The following ANKIB1 variants were observed in gnomAD, a reference collection of about 807,000 sequenced individuals.
The protein encoded by ANKIB1 is ankyrin repeat and IBR domain-containing protein 1.
A neutral mutation model predicts 122.1 loss-of-function variants in ANKIB1; 43 were observed. That is an observed-to-expected ratio of 0.35 (90% confidence interval 0.28 to 0.45). The LOEUF is 0.45. Ranked by LOEUF, ANKIB1 falls within the 20% of genes least tolerant of loss-of-function variation. The pLI is 1.00. For missense variants in ANKIB1, 992 were observed against 1,329.5 expected, an observed-to-expected ratio of 0.75 and a Z score of 3.95; for synonymous variants, 390 against 442.0, an observed-to-expected ratio of 0.88 and a Z score of 1.48.
At chr7:92,391,899 T>G (rs1043122200) in intron 16 of ANKIB1, among the ~76,000 whole-genome samples, 1 of 152,150 alleles carries the variant, frequency 6.6e-6, no homozygotes, top group Non-Finnish European at 1.5e-5. Flanking sequence ...ACTATAAGCA[T>G]TAAACATTCC....
At chr7:92,299,134 A>T (rs896971902) in intron 2 of ANKIB1, among the ~76,000 whole-genome samples, 4 of 152,228 alleles carry the variant, frequency 2.6e-5, no homozygotes, top group Non-Finnish European at 5.9e-5. Context: ...GTTGCTAATG[A>T]TAAAATTTGA....
intron 1 of ANKIB1, among the ~76,000 whole-genome samples, chr7:92,248,641 A>G (rs2131867735): frequency 6.6e-6 from 1 of 152,318 alleles, no homozygotes; most frequent in South Asian, 2.1e-4. Flanking sequence ...ATTAAGTTTT[A>G]AAATATTTCC....
In ANKIB1 at chr7:92,324,911, C is replaced by T. The variant is rs1347280881; in HGVS notation, c.670-2872C>T. On this transcript the variant is annotated intron_variant, in intron 4 of 19. Transcript: ENST00000265742. ...GGAGGAACAAAGATAAGTGACTACACTCTAGGTGTTTACGTTCCAACAGGG... is the reference window on the plus strand; with the variant it reads ...GGAGGAACAAAGATAAGTGACTACATTCTAGGTGTTTACGTTCCAACAGGG... Among the ~76,000 whole-genome samples the T allele has an allele frequency of 2.0e-5, 3 of 152,178 alleles. 1 individual carries two copies. The highest frequency in any genetic ancestry group is 1.3e-4 in the Admixed American group (2 of 15,282).
chr7:92,396,284 G>A, intron 17 of ANKIB1, 81 bp from the exon 18 acceptor site: 1 of 792,734 alleles, frequency 1.3e-6, no homozygotes, highest in Non-Finnish European at 2.1e-6. Flanking sequence ...TTTTTCCCCT[G>A]GAAAAAAGTG....
intron 6 of ANKIB1, among the ~76,000 whole-genome samples, chr7:92,343,828 T>G (rs1042208819): frequency 2.6e-5 from 4 of 152,246 alleles, no homozygotes; most frequent in Non-Finnish European, 5.9e-5. Flanking sequence ...TCAGTAAAGC[T>G]TCTGGAGTTT....
At chr7:92,278,459 T>C (rs1461345279) in intron 1 of ANKIB1, among the ~76,000 whole-genome samples, 1 of 152,038 alleles carries the variant, frequency 6.6e-6, no homozygotes, top group Non-Finnish European at 1.5e-5. Flanking sequence ...CAAAAACAGT[T>C]CTGAAAAACA....
chr7:92,270,110 T>G (rs1364881135), intron 1 of ANKIB1, among the ~76,000 whole-genome samples: 2 of 152,130 alleles, frequency 1.3e-5, no homozygotes, highest in Non-Finnish European at 2.9e-5. Flanking sequence ...TCACCCAAGC[T>G]GGAGTGCAGT....
intron 3 of ANKIB1, among the ~76,000 whole-genome samples, chr7:92,307,926 G>A (rs1585099514): frequency 6.9e-6 from 1 of 145,356 alleles, no homozygotes; most frequent in South Asian, 2.2e-4. Flanking sequence ...AGATTCTCCT[G>A]CCTCAGCCTC....
intron 10 of ANKIB1, among the ~76,000 whole-genome samples, chr7:92,367,227 A>G (rs996437633): frequency 1.3e-5 from 2 of 152,228 alleles, no homozygotes; most frequent in Non-Finnish European, 2.9e-5. Context: ...AACCAAGCCA[A>G]GGCTGCAGAG....
chr7:92,343,141 T>G lies in ANKIB1; in HGVS notation c.905T>G (p.Leu302Arg). Reference protein sequence around the residue: ...PPSGYNAWDTLPSPRTPRTTR... With the variant: ...PPSGYNAWDTRPSPRTPRTTR... ...AGTGGGTATAATGCCTGGGACACGC[T>G]CCCATCTCCAAGAACTCCAAGGACT... is the stretch of plus-strand genomic sequence containing the variant. Residue 302 changes from leucine (L) to arginine (R), a missense_variant, in exon 6 of 20, where the codon CTC (leucine) becomes CGC (arginine). Leu to Arg is a moderately radical substitution (Grantham distance 102, BLOSUM62 -2). Transcript: ENST00000265742. 6.2e-7 allele frequency: 1 copy of G among 1,613,944 alleles called. No individual in the cohort carries two copies. Among genetic ancestry groups the G allele is most frequent in the Middle Eastern group, 1.6e-4 (1 of 6,062 alleles).
chr7:92,383,271 T>TC (rs1252991504), intron 11 of ANKIB1, among the ~76,000 whole-genome samples: 1 of 150,820 alleles, frequency 6.6e-6, no homozygotes, highest in Non-Finnish European at 1.5e-5. Context: ...CCAAAAAGAG[T>TC]CCAGGACCAG....
intron 17 of ANKIB1, among the ~76,000 whole-genome samples, chr7:92,393,332 A>G (rs1457942336): frequency 6.6e-6 from 1 of 152,090 alleles, no homozygotes; most frequent in Non-Finnish European, 1.5e-5. Flanking sequence ...ATTCACTTAA[A>G]TTGTTTTAAA....
At chr7:92,359,682 A>G (rs1803899746) in intron 9 of ANKIB1, among the ~76,000 whole-genome samples, 1 of 152,194 alleles carries the variant, frequency 6.6e-6, no homozygotes, top group Admixed American at 6.5e-5. Context: ...TTACACTCCC[A>G]CCAACAGTGT....
chr7:92,329,202 G>T (rs1354316483), intron 5 of ANKIB1, among the ~76,000 whole-genome samples: 1 of 151,980 alleles, frequency 6.6e-6, no homozygotes, highest in Non-Finnish European at 1.5e-5. Flanking sequence ...TCCCAATCTA[G>T]GTGATCCACC....
intron 5 of ANKIB1, among the ~76,000 whole-genome samples, chr7:92,332,808 C>A (rs370693375): frequency 6.6e-6 from 1 of 152,140 alleles, no homozygotes. Flanking sequence ...ATTTCTCCCC[C>A]CTGGACTAGA....
intron 9 of ANKIB1, among the ~76,000 whole-genome samples, chr7:92,357,725 ACT>A (rs1470497866): frequency 2.1e-5 from 3 of 141,928 alleles, no homozygotes; most frequent in African/African-American, 8.0e-5. Flanking sequence ...CCAGAGCAAG[ACT>A]CTCTCAAAAA....
At chr7:92,313,218 A>G (rs1336567215) in intron 3 of ANKIB1, among the ~76,000 whole-genome samples, 1 of 152,180 alleles carries the variant, frequency 6.6e-6, no homozygotes, top group Non-Finnish European at 1.5e-5. Context: ...ATGTCAGATC[A>G]AATAGAGGTC....
At chr7:92,266,893 G>C (rs910946121) in intron 1 of ANKIB1, among the ~76,000 whole-genome samples, 1 of 152,222 alleles carries the variant, frequency 6.6e-6, no homozygotes, top group Non-Finnish European at 1.5e-5. Context: ...AAGTTTAACA[G>C]CATGACAGCC....
intron 7 of ANKIB1, among the ~76,000 whole-genome samples, chr7:92,347,388 C>A (rs1269641659): frequency 6.6e-6 from 1 of 152,056 alleles, no homozygotes; most frequent in Non-Finnish European, 1.5e-5. Flanking sequence ...CAGTGTGGCC[C>A]AGAAAAGCCA....
Sources: gnomAD v4.1 joint callset for allele counts (sites outside exome capture counted in the v4.1 genomes callset) on GRCh38, gnomAD v4.1.1 for gene constraint, MANE v1.5 for transcripts, NCBI Gene and HGNC (gene_info 2026-07-23, HGNC 2026-07-21) for gene names.